Variants in XKR4 observed in about 807,000 individuals in gnomAD.
XKR4 encodes the protein XK-related protein 4.
XKR4 carries 12 observed loss-of-function variants against 53.9 expected under a neutral mutation model. That is an observed-to-expected ratio of 0.22 (90% CI 0.14 to 0.36). The LOEUF is 0.36. Ranked by LOEUF, XKR4 falls within the 10% of genes least tolerant of loss-of-function variation. The probability of loss-of-function intolerance (pLI) is 1.00; values close to 1 mark genes in which losing one functional copy is unlikely to be tolerated. For missense variants in XKR4, 799 were observed against 859.5 expected, an observed-to-expected ratio of 0.93 and a Z score of 0.88; for synonymous variants, 354 against 362.4, an observed-to-expected ratio of 0.98 and a Z score of 0.26.
chr8:55,158,578 C>T (rs1349221976), intron 1 of XKR4, among the ~76,000 whole-genome samples: 1 of 152,178 alleles, frequency 6.6e-6, no homozygotes, highest in Non-Finnish European at 1.5e-5. Flanking sequence ...TTGCCATATC[C>T]TATGTCCAGA....
intron 1 of XKR4, among the ~76,000 whole-genome samples, chr8:55,190,004 C>G (rs902403107): frequency 6.6e-6 from 1 of 152,160 alleles, no homozygotes; most frequent in African/African-American, 2.4e-5. Flanking sequence ...TCTGAATCAC[C>G]AACTCACTTG....
intron 1 of XKR4, among the ~76,000 whole-genome samples, chr8:55,228,066 C>G (rs1047455698): frequency 5.3e-5 from 8 of 152,144 alleles, no homozygotes; most frequent in African/African-American, 1.9e-4. Context: ...ACCACCACGC[C>G]CAGCTAATTT....
intron 2 of XKR4, among the ~76,000 whole-genome samples, chr8:55,379,985 G>T (rs150400286): frequency 1.3e-5 from 2 of 152,204 alleles, no homozygotes. Flanking sequence ...CATCATGCAC[G>T]TTAAGGCATT....
intron 1 of XKR4, among the ~76,000 whole-genome samples, chr8:55,193,345 C>T (rs1203616879): frequency 1.3e-5 from 2 of 152,080 alleles, no homozygotes; most frequent in Non-Finnish European, 2.9e-5. Context: ...TCCTTCTTCC[C>T]TCCCCAGGTC....
In XKR4 at chr8:55,102,580, T is replaced by C; in HGVS notation, c.92T>C (p.Val31Ala). ...PLQNSDHSGS[V>A]QGLAPGLPSG... The stretch of plus-strand genomic sequence containing the variant: ...CAGAACTCGGACCACTCGGGCTCGG[T>C]GCAGGGATTGGCTCCAGGCTTGCCG... Residue 31 changes from valine (V) to alanine (A), a missense_variant, in exon 1 of 3, where the codon GTG becomes GCG. This residue lies in a region of XKR4 where 476 missense variants were observed against 505.4 expected (regional missense o/e 0.94). Transcript: ENST00000327381. The surrounding 1 kb of genome is among the most constrained non-coding windows in gnomAD (Gnocchi z 5.1). The C allele has an allele frequency of 6.6e-7, 1 of 1,525,154 alleles. No individual in the cohort carries two copies. The highest frequency in any genetic ancestry group is 1.2e-5 in the South Asian group (1 of 83,190). The allele number at this position is 1,525,154 out of a possible 1,614,324, so 94.5% of individuals were successfully genotyped here.
intron 2 of XKR4, 37 bp from the exon 3 acceptor site, chr8:55,523,244 G>C (rs1806825825): frequency 6.5e-7 from 1 of 1,529,224 alleles, no homozygotes; most frequent in Admixed American, 2.0e-5. Context: ...TGCTGCAACT[G>C]ATTTCTGACA....
intron 2 of XKR4, among the ~76,000 whole-genome samples, chr8:55,419,591 G>A (rs1277358047): frequency 6.6e-6 from 1 of 152,162 alleles, no homozygotes; most frequent in Non-Finnish European, 1.5e-5. Context: ...GCTTTTAACA[G>A]GAGTGATACA....
chr8:55,155,112 T>G (rs1192255016), intron 1 of XKR4, among the ~76,000 whole-genome samples: 1 of 152,166 alleles, frequency 6.6e-6, no homozygotes, highest in Non-Finnish European at 1.5e-5. Context: ...ATTCAGAGGC[T>G]TTGGACATGA....
chr8:55,356,457 G>A lies in XKR4; in HGVS notation c.807-1221G>A, dbSNP rs148230665. 2.4e-3 allele frequency among the ~76,000 whole-genome samples: 367 copies of A among 152,236 alleles called. 2 individuals carry two copies. Among genetic ancestry groups the A allele is most frequent in the African/African-American group, 6.8e-3 (284 of 41,540 alleles). ...AGGACATGGAAGGATAATCCATGTT[G>A]TAAAAAAGACTTAAGATACATATCA... On this transcript the variant is annotated intron_variant, in intron 1 of 2. Transcript: ENST00000327381.
At chr8:55,151,305 A>G (rs1036677029) in intron 1 of XKR4, among the ~76,000 whole-genome samples, 3 of 152,192 alleles carry the variant, frequency 2.0e-5, no homozygotes, top group Admixed American at 6.5e-5. Flanking sequence ...CTGATCTAAC[A>G]CTGACAGTAA....
chr8:55,208,584 A>T (rs1193485258), intron 1 of XKR4, among the ~76,000 whole-genome samples: 4 of 151,820 alleles, frequency 2.6e-5, no homozygotes, highest in African/African-American at 9.7e-5. Context: ...CTCCTGCCTC[A>T]GCCTCCCAAG....
intron 2 of XKR4, among the ~76,000 whole-genome samples, chr8:55,363,354 C>G (rs990338692): frequency 6.6e-6 from 1 of 152,146 alleles, no homozygotes; most frequent in Non-Finnish European, 1.5e-5. Context: ...ATCCTGAATA[C>G]TTCGTGAAAG....
intron 1 of XKR4, among the ~76,000 whole-genome samples, chr8:55,290,592 C>T (rs969910493): frequency 1.3e-5 from 2 of 152,104 alleles, no homozygotes; most frequent in Non-Finnish European, 2.9e-5. Flanking sequence ...GCACCACCCC[C>T]AACAGGCCCC....
intron 1 of XKR4, among the ~76,000 whole-genome samples, chr8:55,219,008 A>G (rs1162191134): frequency 1.0e-5 from 1 of 100,462 alleles, no homozygotes; most frequent in East Asian, 3.5e-4. Flanking sequence ...TTCTAGAAGC[A>G]GTCTTTTTTT....
intron 2 of XKR4, among the ~76,000 whole-genome samples, chr8:55,478,313 A>G (rs1806036744): frequency 6.6e-6 from 1 of 152,092 alleles, no homozygotes; most frequent in Non-Finnish European, 1.5e-5. Context: ...TTCATAAGTG[A>G]AGGAGAAATA....
At chr8:55,438,876 G>A (rs145988446) in intron 2 of XKR4, among the ~76,000 whole-genome samples, 1 of 152,270 alleles carries the variant, frequency 6.6e-6, no homozygotes, top group African/African-American at 2.4e-5. Flanking sequence ...CTTTCACTTG[G>A]AGAGCATCTG....
At chr8:55,173,897 C>T (rs897261673) in intron 1 of XKR4, among the ~76,000 whole-genome samples, 1 of 152,242 alleles carries the variant, frequency 6.6e-6, no homozygotes, top group African/African-American at 2.4e-5. Context: ...TTTCACAACT[C>T]AAATTTTGCA....
At chr8:55,342,086 T>C (rs1198932495) in intron 1 of XKR4, among the ~76,000 whole-genome samples, 2 of 152,046 alleles carry the variant, frequency 1.3e-5, no homozygotes, top group African/African-American at 2.4e-5. Context: ...CCAAAGCTCA[T>C]CATGATCTGT....
chr8:55,315,217 T>C (rs1424922062), intron 1 of XKR4, among the ~76,000 whole-genome samples: 1 of 152,158 alleles, frequency 6.6e-6, no homozygotes, highest in Admixed American at 6.5e-5. Context: ...CCAGCTGTTG[T>C]GTACACAGCA....
Sources: allele counts gnomAD v4.1 joint callset (sites outside exome capture counted in the v4.1 genomes callset), GRCh38; gene constraint gnomAD v4.1.1; regional missense constraint gnomAD v4.1.1; non-coding constraint Gnocchi (gnomAD v3.1); transcripts MANE v1.5; gene names NCBI Gene and HGNC (gene_info 2026-07-23, HGNC 2026-07-21).